The following ATP2C2 variants were observed in gnomAD, a reference collection of about 807,000 sequenced individuals.
The protein encoded by ATP2C2 is calcium-transporting ATPase type 2C member 2.
ATP2C2 carries 171 observed loss-of-function variants against 110.8 expected under a neutral mutation model. The observed-to-expected ratio is 1.54, with a 90% confidence interval of 1.36 to 1.75. The LOEUF (loss-of-function observed/expected upper bound fraction) is 1.75, where lower values mean the gene tolerates loss of function less well. ATP2C2 is among the 40% of genes most tolerant of loss of function. The pLI is 0.00. For synonymous variants in ATP2C2, 804 were observed against 508.4 expected (o/e 1.58, Z -7.82); for missense variants, 1,963 against 1,235.0 (o/e 1.59, Z -8.84).
chr16:84,383,615 T>TTCCTCCAGGGTCTCTCAG (rs1910714603), intron 1 of ATP2C2, among the ~76,000 whole-genome samples: 1 of 152,144 alleles, frequency 6.6e-6, no homozygotes, highest in Non-Finnish European at 1.5e-5. Context: ...TAGCACATCC[T>TTCCTCCAGGGTCTCTCAG]TCCTCCAGGG....
intron 6 of ATP2C2, chr16:84,411,042 G>C (rs547675465): frequency 3.9e-6 from 2 of 513,506 alleles, no homozygotes; most frequent in South Asian, 2.1e-5. Context: ...TCTGGGAAGA[G>C]GGTAGCCCAC....
intron 1 of ATP2C2, among the ~76,000 whole-genome samples, chr16:84,376,366 T>A (rs895158326): frequency 1.3e-5 from 2 of 152,112 alleles, no homozygotes; most frequent in African/African-American, 4.8e-5. Flanking sequence ...CTCCCTCGAG[T>A]GTCCTGGTGA....
Position 84,459,308 on chromosome 16 carries a change from T to G in ATP2C2, c.2255T>G (p.Val752Gly), listed in dbSNP as rs1465250596. 6.2e-7 allele frequency: 1 copy of G among 1,614,184 alleles called. No individual in the cohort carries two copies. Among genetic ancestry groups the G allele is most frequent in the Non-Finnish European group, 8.5e-7 (1 of 1,180,028 alleles). The change falls in exon 23 of 27, where the codon GTG (valine) becomes GGG (glycine). Residue 752 changes from valine to glycine, a missense_variant. By Grantham distance (109) the Val-to-Gly change is moderately radical. Coordinates refer to ENST00000262429, the MANE Select transcript of ATP2C2 (RefSeq NM_014861.4). ...CTGAGTCTCATCACTCTGTCCACCG[T>G]GTTCAACCTGCCCAGCCCCCTCAAC... The part of the protein sequence containing the change: ...SALSLITLST[V>G]FNLPSPLNAM...
chr16:84,403,749 G>A (rs1905505838), intron 2 of ATP2C2, among the ~76,000 whole-genome samples: 1 of 151,710 alleles, frequency 6.6e-6, no homozygotes, highest in Non-Finnish European at 1.5e-5. Context: ...GGAGTGCAAT[G>A]GCGCGATCTC....
At chr16:84,426,055 A>G in intron 11 of ATP2C2, 1 of 350,002 alleles carries the variant, frequency 2.9e-6, no homozygotes, top group Non-Finnish European at 5.0e-6. Flanking sequence ...CATTGCTAAA[A>G]AAAAAAAAAA....
intron 1 of ATP2C2, among the ~76,000 whole-genome samples, chr16:84,393,888 G>A (rs1904810876): frequency 6.6e-6 from 1 of 151,892 alleles, no homozygotes; most frequent in Non-Finnish European, 1.5e-5. Context: ...AGGCATGGTG[G>A]CTCACACCTG....
intron 11 of ATP2C2, among the ~76,000 whole-genome samples, chr16:84,432,904 A>T (rs1908406243): frequency 6.6e-6 from 1 of 152,132 alleles, no homozygotes; most frequent in African/African-American, 2.4e-5. Flanking sequence ...CTGTGATTCG[A>T]CACTGTCCCC....
intron 1 of ATP2C2, among the ~76,000 whole-genome samples, chr16:84,384,962 TA>T (rs752293248): frequency 9.8e-5 from 15 of 152,334 alleles, no homozygotes; most frequent in East Asian, 3.9e-4. Flanking sequence ...GGCAGGAGTA[TA>T]GTTTGAACCC....
chr16:84,397,232 G>T (rs892898195), intron 1 of ATP2C2, among the ~76,000 whole-genome samples: 1 of 151,632 alleles, frequency 6.6e-6, no homozygotes, highest in Non-Finnish European at 1.5e-5. Flanking sequence ...AGGCCCGCAG[G>T]TCTCAACACA....
At chr16:84,404,735 A>T (rs1462621623) in intron 2 of ATP2C2, 1 of 353,526 alleles carries the variant, frequency 2.8e-6, no homozygotes, top group Non-Finnish European at 5.5e-6. Context: ...TGGATCTGGT[A>T]GCTCCCTTTT....
chr16:84,450,909 C>T (rs1174929650), intron 17 of ATP2C2, among the ~76,000 whole-genome samples: 2 of 152,108 alleles, frequency 1.3e-5, no homozygotes, highest in African/African-American at 4.8e-5. Context: ...CTGTTAGAAA[C>T]GTCCCATCCT....
rs531774173 is a variant in ATP2C2, at chr16:84,373,457, G to A, written c.99+4743G>A. ...GGAAGTTGCAGTGAGCCAAGATTGCGCCACTACACTCCAGCCTGGGTGACA... is the reference window on the plus strand; with the variant it reads ...GGAAGTTGCAGTGAGCCAAGATTGCACCACTACACTCCAGCCTGGGTGACA... On this transcript the variant is annotated intron_variant, in intron 1 of 26. Coordinates refer to ENST00000262429, the MANE Select transcript of ATP2C2 (RefSeq NM_014861.4). Among the ~76,000 whole-genome samples, 115 of 152,178 alleles carry A rather than the reference G, an allele frequency of 7.6e-4. 1 individual carries two copies. Among genetic ancestry groups the A allele is most frequent in the African/African-American group, 2.6e-3 (109 of 41,506 alleles).
chr16:84,453,590 G>C (rs1324427587), intron 20 of ATP2C2, among the ~76,000 whole-genome samples: 3 of 152,186 alleles, frequency 2.0e-5, no homozygotes, highest in African/African-American at 7.2e-5. Flanking sequence ...GAGAGGACGA[G>C]GCTCTGAAGT....
intron 1 of ATP2C2, among the ~76,000 whole-genome samples, chr16:84,386,100 C>T (rs1010214738): frequency 1.7e-4 from 26 of 152,312 alleles, no homozygotes; most frequent in Admixed American, 3.9e-4. Flanking sequence ...ACTTCAGCTT[C>T]ATTTTGTACT....
intron 14 of ATP2C2, 27 bp from the exon 15 acceptor site, chr16:84,442,483 A>T: frequency 6.2e-7 from 1 of 1,611,920 alleles, no homozygotes; most frequent in South Asian, 1.1e-5. Flanking sequence ...AGTACTAACT[A>T]CAGATGTCCG....
At chr16:84,411,127 C>T (rs895100791) in intron 6 of ATP2C2, among the ~76,000 whole-genome samples, 1 of 152,100 alleles carries the variant, frequency 6.6e-6, no homozygotes, top group Non-Finnish European at 1.5e-5. Context: ...TTTGAATTCT[C>T]AATGAATGGT....
intron 11 of ATP2C2, among the ~76,000 whole-genome samples, chr16:84,432,495 A>C (rs563100691): frequency 1.3e-5 from 2 of 150,780 alleles, no homozygotes; most frequent in African/African-American, 4.9e-5. Flanking sequence ...TCATTGTTCA[A>C]CTCCCACTTA....
At chr16:84,379,167 A>C (rs12930370) in intron 1 of ATP2C2, among the ~76,000 whole-genome samples, 122,980 of 143,824 alleles carry the variant, frequency 0.86, 52,098 homozygotes, top group Middle Eastern at 0.92. Context: ...CCCCTCTCCT[A>C]CCCTCCCCTC....
At chr16:84,369,774 T>C (rs1445998439) in intron 1 of ATP2C2, among the ~76,000 whole-genome samples, 1 of 152,228 alleles carries the variant, frequency 6.6e-6, no homozygotes. Flanking sequence ...AAATAGTGTT[T>C]TGTGCTTTTT....
Sources: gnomAD v4.1 joint callset for allele counts (sites outside exome capture counted in the v4.1 genomes callset) on GRCh38, gnomAD v4.1.1 for gene constraint, MANE v1.5 for transcripts, NCBI Gene and HGNC (gene_info 2026-07-23, HGNC 2026-07-21) for gene names.